The following CLEC16A variants were observed in gnomAD, a reference collection of about 807,000 sequenced individuals.
The protein encoded by CLEC16A is C-type lectin domain containing 16A, also known as protein CLEC16A.
Under a neutral mutation model 109.5 loss-of-function variants are expected in CLEC16A, and 51 were observed. That is an observed-to-expected ratio of 0.47 (90% CI 0.37 to 0.59). CLEC16A has a LOEUF of 0.59. CLEC16A is among the 20% of genes least tolerant of loss of function. The probability of loss-of-function intolerance (pLI) is 0.00; values close to 1 mark genes in which losing one functional copy is unlikely to be tolerated. For missense variants in CLEC16A, 1,339 were observed against 1,394.0 expected, an observed-to-expected ratio of 0.96 and a Z score of 0.63; for synonymous variants, 673 against 564.2, an observed-to-expected ratio of 1.19 and a Z score of -2.73.
At chr16:11,039,064 T>C (rs1436006400) in intron 13 of CLEC16A, among the ~76,000 whole-genome samples, 1 of 152,088 alleles carries the variant, frequency 6.6e-6, no homozygotes, top group East Asian at 1.9e-4. Flanking sequence ...TCCTCAAGCG[T>C]AGAAGGTGCG....
chr16:11,089,561 A>C (rs1009506470), intron 19 of CLEC16A, among the ~76,000 whole-genome samples: 2 of 152,180 alleles, frequency 1.3e-5, no homozygotes, highest in East Asian at 3.9e-4. Flanking sequence ...CAGCGCAGGG[A>C]AATGCCTGTT....
chr16:11,092,439 A>G (rs1280818774), intron 19 of CLEC16A, among the ~76,000 whole-genome samples: 2 of 149,930 alleles, frequency 1.3e-5, no homozygotes, highest in East Asian at 2.0e-4. Context: ...AGTCCCAGCT[A>G]CTTGGGAGGC....
chr16:11,156,977 A>G, intron 22 of CLEC16A: 1 of 821,282 alleles, frequency 1.2e-6, no homozygotes, highest in South Asian at 1.9e-5. Context: ...GGCAGCCCTC[A>G]CAGGCAGACC....
At chr16:11,125,839 G>A in intron 21 of CLEC16A, 140 bp from the exon 22 acceptor site, 1 of 794,074 alleles carries the variant, frequency 1.3e-6, no homozygotes, top group Non-Finnish European at 2.1e-6. Context: ...GCAGCTTGAG[G>A]CTGCCTGCCG....
intron 23 of CLEC16A, among the ~76,000 whole-genome samples, chr16:11,166,999 T>G (rs1029317689): frequency 3.9e-5 from 6 of 152,012 alleles, no homozygotes; most frequent in African/African-American, 1.5e-4. Context: ...GTTGTTCGAG[T>G]AGGCACGCAC....
At chr16:10,946,070 G>T (rs1052542353) in intron 1 of CLEC16A, among the ~76,000 whole-genome samples, 1 of 152,148 alleles carries the variant, frequency 6.6e-6, no homozygotes, top group Non-Finnish European at 1.5e-5. Context: ...GAAAAATAGA[G>T]ATCTGTATGA....
At chr16:11,155,838 C>T (rs911861574) in intron 22 of CLEC16A, among the ~76,000 whole-genome samples, 2 of 152,194 alleles carry the variant, frequency 1.3e-5, no homozygotes, top group African/African-American at 2.4e-5. Context: ...GGAATGGGTC[C>T]ACAGGCATGG....
At chr16:11,013,700 A>T (rs914867378) in intron 11 of CLEC16A, among the ~76,000 whole-genome samples, 1 of 152,206 alleles carries the variant, frequency 6.6e-6, no homozygotes, top group Non-Finnish European at 1.5e-5. Flanking sequence ...CAGAGGTTGC[A>T]GTGAGCCAAG....
chr16:11,061,036 T>G lies in CLEC16A; in HGVS notation c.2116+14T>G. 4 of 1,597,450 alleles carry G rather than the reference T, an allele frequency of 2.5e-6. No homozygotes were observed. The highest frequency in any genetic ancestry group is 3.4e-6 in the Non-Finnish European group (4 of 1,173,142). On this transcript the variant is annotated intron_variant, in intron 19 of 23. Coordinates refer to ENST00000409790, the MANE Select transcript of CLEC16A (RefSeq NM_015226.3). ...TCCTGGATCTGAGTGAGTTGGCTGC[T>G]CTGAGTCACAGCAGGGGGCTGGGGG...
intron 13 of CLEC16A, among the ~76,000 whole-genome samples, chr16:11,029,096 G>C (rs1348365249): frequency 6.6e-6 from 1 of 152,144 alleles, no homozygotes; most frequent in Non-Finnish European, 1.5e-5. Flanking sequence ...TTGGGCTGAT[G>C]GTTCAGTTAA....
At chr16:11,127,318 G>A (rs1272202178) in intron 22 of CLEC16A, among the ~76,000 whole-genome samples, 1 of 151,984 alleles carries the variant, frequency 6.6e-6, no homozygotes, top group Non-Finnish European at 1.5e-5. Flanking sequence ...CATATGGATG[G>A]GCAAAAAAAT....
rs201963363 is a variant in CLEC16A, at chr16:11,060,905, A to C, written c.1999A>C (p.Ile667Leu). The C allele has an allele frequency of 1.2e-5, 20 of 1,609,868 alleles. No homozygotes were observed. Among genetic ancestry groups the C allele is most frequent in the Non-Finnish European group, 1.5e-5 (18 of 1,177,908 alleles). The change falls in exon 19 of 24, where the codon ATC becomes CTC. Residue 667 changes from isoleucine (I) to leucine (L), a missense_variant. Around this residue, in one of 3 missense-constraint regions of CLEC16A, gnomAD observed 1,061 missense variants for 1,006.8 expected, o/e 1.05. Coordinates refer to ENST00000409790, the MANE Select transcript of CLEC16A (RefSeq NM_015226.3). ...GCTCTCTGAACTGTTGGTCCAGGCC[A>C]TCCGGGTGTTCTTCATGCTGCGTTC... Reference protein sequence around the residue: ...CGDVEKTRRAIRVFFMLRSLS... With the variant: ...CGDVEKTRRALRVFFMLRSLS...
chr16:10,948,043 G>A (rs35368098), intron 1 of CLEC16A, among the ~76,000 whole-genome samples: 31 of 152,068 alleles, frequency 2.0e-4, no homozygotes, highest in Non-Finnish European at 3.1e-4. Context: ...ACAGGCGCCC[G>A]CCACCACGCC....
intron 22 of CLEC16A, among the ~76,000 whole-genome samples, chr16:11,141,419 G>A (rs2053821532): frequency 6.6e-6 from 1 of 152,254 alleles, no homozygotes; most frequent in African/African-American, 2.4e-5. Context: ...GATACCTGAA[G>A]TGGTGGGGGC....
Position 10,961,548 on chromosome 16 carries a change from C to G in CLEC16A, c.210-907C>G, listed in dbSNP as rs943615927. Among the ~76,000 whole-genome samples the G allele has an allele frequency of 1.3e-5, 2 of 152,164 alleles. No individual in the cohort carries two copies. The highest frequency in any genetic ancestry group is 2.9e-5 in the Non-Finnish European group (2 of 68,032). On this transcript the variant is annotated intron_variant, in intron 2 of 23. Coordinates refer to ENST00000409790, the MANE Select transcript of CLEC16A (RefSeq NM_015226.3). The surrounding 1 kb of genome is among the most constrained non-coding windows in gnomAD (Gnocchi z 4.3). ...AGAAAGGCACTGGATGGTCTGTTTCCTTTTCAAGACTGAAAGAGCCAACGT... is the reference window on the plus strand; with the variant it reads ...AGAAAGGCACTGGATGGTCTGTTTCGTTTTCAAGACTGAAAGAGCCAACGT...
At chr16:11,029,879 C>T (rs1246750768) in intron 13 of CLEC16A, among the ~76,000 whole-genome samples, 1 of 152,178 alleles carries the variant, frequency 6.6e-6, no homozygotes, top group Non-Finnish European at 1.5e-5. Flanking sequence ...TCATTCCCCT[C>T]CCTTGCTTCC....
intron 19 of CLEC16A, among the ~76,000 whole-genome samples, chr16:11,105,858 G>A (rs988689266): frequency 6.6e-6 from 1 of 152,202 alleles, no homozygotes; most frequent in African/African-American, 2.4e-5. Flanking sequence ...ACCTCTATCT[G>A]TAAAGTGAGC....
intron 12 of CLEC16A, among the ~76,000 whole-genome samples, chr16:11,021,107 G>A (rs1264786485): frequency 1.3e-5 from 2 of 152,186 alleles, no homozygotes; most frequent in Non-Finnish European, 2.9e-5. Flanking sequence ...CAGCCCCTAG[G>A]GAGGGGTGGT....
intron 19 of CLEC16A, among the ~76,000 whole-genome samples, chr16:11,080,082 C>A (rs1233164349): frequency 3.3e-5 from 5 of 152,232 alleles, no homozygotes; most frequent in African/African-American, 1.2e-4. Flanking sequence ...ACCAGAAACA[C>A]AAGATCCAGA....
Sources: allele counts gnomAD v4.1 joint callset (sites outside exome capture counted in the v4.1 genomes callset), GRCh38; gene constraint gnomAD v4.1.1; regional missense constraint gnomAD v4.1.1; non-coding constraint Gnocchi (gnomAD v3.1); transcripts MANE v1.5; gene names NCBI Gene and HGNC (gene_info 2026-07-23, HGNC 2026-07-21).